KCNMB2: variants seen among roughly 807,000 people sequenced by gnomAD.
KCNMB2 encodes potassium calcium-activated channel subfamily M regulatory beta subunit 2.
A neutral mutation model predicts 24.5 loss-of-function variants in KCNMB2; 9 were observed. That is an observed-to-expected ratio of 0.37 (90% confidence interval 0.22 to 0.64). KCNMB2 has a LOEUF of 0.64. Ranked by LOEUF, KCNMB2 falls within the 30% of genes least tolerant of loss-of-function variation. KCNMB2 has a pLI of 0.63. For synonymous variants in KCNMB2, 109 were observed against 104.4 expected (o/e 1.04, Z -0.27); for missense variants, 226 against 284.3 (o/e 0.79, Z 1.47).
intron 1 of KCNMB2, among the ~76,000 whole-genome samples, chr3:178,609,547 C>G (rs181037294): frequency 2.0e-5 from 3 of 152,112 alleles, no homozygotes; most frequent in African/African-American, 4.8e-5. Context: ...TTCAAGAAAC[C>G]TTTGCCCAGA....
chr3:178,793,447 C>G, intron 1 of KCNMB2, among the ~76,000 whole-genome samples: 1 of 151,154 alleles, frequency 6.6e-6, no homozygotes, highest in Non-Finnish European at 1.5e-5. Context: ...GACCTCAAAG[C>G]TGGACTACAG....
chr3:178,746,645 GAAT>G, intron 1 of KCNMB2, among the ~76,000 whole-genome samples: 1 of 152,104 alleles, frequency 6.6e-6, no homozygotes, highest in African/African-American at 2.4e-5. Flanking sequence ...TTAAAAAACT[GAAT>G]GCCTTTAACA....
chr3:178,749,521 T>C (rs1187808410), intron 1 of KCNMB2, among the ~76,000 whole-genome samples: 2 of 152,226 alleles, frequency 1.3e-5, no homozygotes, highest in African/African-American at 4.8e-5. Context: ...TGGATACCTA[T>C]ATCATAGTTG....
At chr3:178,768,580 T>C (rs907374674) in intron 1 of KCNMB2, among the ~76,000 whole-genome samples, 11 of 152,212 alleles carry the variant, frequency 7.2e-5, no homozygotes. Context: ...CAAAATGTTC[T>C]TGGCTGGCAG....
chr3:178,792,639 A>T (rs867251153), intron 1 of KCNMB2, among the ~76,000 whole-genome samples: 24 of 151,528 alleles, frequency 1.6e-4, no homozygotes, highest in South Asian at 6.3e-4. Flanking sequence ...GAATGGATTT[A>T]AAAAAAAAGA....
intron 1 of KCNMB2, among the ~76,000 whole-genome samples, chr3:178,712,781 C>T (rs1033593780): frequency 5.9e-5 from 9 of 152,166 alleles, no homozygotes; most frequent in Admixed American, 5.2e-4. Context: ...TGCAAACTGC[C>T]TTTCTATATA....
chr3:178,581,195 G>A (rs1390992954), intron 1 of KCNMB2, among the ~76,000 whole-genome samples: 3 of 152,122 alleles, frequency 2.0e-5, no homozygotes, highest in African/African-American at 4.8e-5. Flanking sequence ...CAAAACAGAG[G>A]CCTCAGAAAT....
chr3:178,600,461 T>C lies in KCNMB2; in HGVS notation c.-68+63750T>C, dbSNP rs567958333. Reference sequence around the variant, plus strand: ...ATTGCTGGATCATACAATAACTCTGTTTTTAATTTTTTAAGGAATACATTG... The same window carrying C: ...ATTGCTGGATCATACAATAACTCTGCTTTTAATTTTTTAAGGAATACATTG... On this transcript the variant is annotated intron_variant, in intron 1 of 4. Transcript: ENST00000452583. 4.5e-4 allele frequency among the ~76,000 whole-genome samples: 68 copies of C among 152,314 alleles called. 1 individual carries two copies. In the Middle Eastern group the frequency reaches 0.02, roughly 46 times the overall value.
intron 1 of KCNMB2, among the ~76,000 whole-genome samples, chr3:178,784,428 A>G (rs886577070): frequency 6.6e-6 from 1 of 152,158 alleles, no homozygotes; most frequent in Non-Finnish European, 1.5e-5. Context: ...TTTTAGGAGT[A>G]TATGTGTCCC....
intron 1 of KCNMB2, among the ~76,000 whole-genome samples, chr3:178,601,445 C>A (rs530339866): frequency 2.0e-5 from 3 of 152,188 alleles, no homozygotes; most frequent in African/African-American, 7.2e-5. Context: ...TGAATGTGGC[C>A]CCGTGAGGGG....
At chr3:178,667,622 C>T (rs927321760) in intron 1 of KCNMB2, among the ~76,000 whole-genome samples, 2 of 152,072 alleles carry the variant, frequency 1.3e-5, no homozygotes, top group African/African-American at 4.8e-5. Flanking sequence ...AGAAGGTGGC[C>T]TCAATTTACA....
At position 178,704,128 on chromosome 3, in the gene KCNMB2, C is replaced by A. The variant is rs1266051989; in HGVS notation, c.-67-103215C>A. 5.3e-5 allele frequency among the ~76,000 whole-genome samples: 8 copies of A among 152,092 alleles called. No homozygotes were observed. The East Asian group carries it at 1.5e-3, about 29-fold the overall frequency. On this transcript the variant is annotated intron_variant, in intron 1 of 4. Transcript: ENST00000452583. ...TATGTTTAATTTTATTTAAAATCTC[C>A]ATCTTCCAGGGAAAACAACCAGGTT...
At chr3:178,812,779 C>G (rs773345548) in intron 2 of KCNMB2, among the ~76,000 whole-genome samples, 224 of 152,132 alleles carry the variant, frequency 1.5e-3, no homozygotes, top group Non-Finnish European at 2.4e-3. Context: ...TTTTGAATCT[C>G]TATTCTGTTC....
chr3:178,610,707 A>T (rs1217779629), intron 1 of KCNMB2, among the ~76,000 whole-genome samples: 1 of 152,142 alleles, frequency 6.6e-6, no homozygotes, highest in Non-Finnish European at 1.5e-5. Flanking sequence ...GAATAATTTG[A>T]CTTATTTTTC....
chr3:178,573,939 G>C (rs1330408015), intron 1 of KCNMB2, among the ~76,000 whole-genome samples: 1 of 152,068 alleles, frequency 6.6e-6, no homozygotes, highest in Non-Finnish European at 1.5e-5. Context: ...GTGTAAGAGA[G>C]AAATTTCCCA....
chr3:178,746,666 AG>A (rs1723680257), intron 1 of KCNMB2, among the ~76,000 whole-genome samples: 1 of 152,294 alleles, frequency 6.6e-6, no homozygotes, highest in East Asian at 1.9e-4. Context: ...ACAGCACCCA[AG>A]TCACCTCTTG....
intron 1 of KCNMB2, among the ~76,000 whole-genome samples, chr3:178,589,248 G>A (rs574379451): frequency 6.6e-6 from 1 of 152,230 alleles, no homozygotes; most frequent in Admixed American, 6.5e-5. Flanking sequence ...CCAAATTTCT[G>A]GCAGAAACAC....
At chr3:178,693,145 T>G (rs568181467) in intron 1 of KCNMB2, among the ~76,000 whole-genome samples, 1 of 152,344 alleles carries the variant, frequency 6.6e-6, no homozygotes, top group East Asian at 1.9e-4. Context: ...TAAGAAGCAT[T>G]TAGGCTGAGA....
intron 1 of KCNMB2, among the ~76,000 whole-genome samples, chr3:178,702,031 G>C (rs1447718715): frequency 6.6e-6 from 1 of 152,056 alleles, no homozygotes; most frequent in East Asian, 1.9e-4. Context: ...TGGAACCAAC[G>C]AAAATGTCCA....
Sources: gnomAD v4.1 joint callset for allele counts (sites outside exome capture counted in the v4.1 genomes callset) on GRCh38, gnomAD v4.1.1 for gene constraint, MANE v1.5 for transcripts, NCBI Gene and HGNC (gene_info 2026-07-23, HGNC 2026-07-21) for gene names.